The following ANKRD33B variants were observed in gnomAD, a reference collection of about 807,000 sequenced individuals.
ANKRD33B encodes the protein ankyrin repeat domain 33B.
In ANKRD33B, 6 loss-of-function variants were observed where a neutral mutation model predicts 21.5. The ratio of observed to expected loss-of-function variants is 0.28; its 90% CI spans 0.15 to 0.55. ANKRD33B has a LOEUF of 0.55. Ranked by LOEUF, ANKRD33B falls within the 20% of genes least tolerant of loss-of-function variation. ANKRD33B has a pLI of 0.94. For synonymous variants in ANKRD33B, 347 were observed against 342.4 expected, an observed-to-expected ratio of 1.01 and a Z score of -0.15; for missense variants, 698 against 747.2, an observed-to-expected ratio of 0.93 and a Z score of 0.77.
intron 2 of ANKRD33B, among the ~76,000 whole-genome samples, chr5:10,627,740 A>G (rs1200314168): frequency 1.3e-5 from 2 of 152,028 alleles, no homozygotes; most frequent in Admixed American, 1.3e-4. Flanking sequence ...CTTTTTTCTC[A>G]GTTTATACCG....
At position 10,564,450 on chromosome 5, in the gene ANKRD33B, C is replaced by T. The variant is rs1735000076; in HGVS notation, c.-18C>T. ...CCTGCCCGCGCCCCGGCCCCCGGCC[C>T]GCGCCCCGGCCGCCGGCATGGTGCT... On this transcript the variant is annotated 5_prime_UTR_variant, in exon 1 of 4. Coordinates refer to ENST00000296657, the MANE Select transcript of ANKRD33B (RefSeq NM_001164440.2). 1.8e-6 allele frequency: 2 copies of T among 1,119,990 alleles called. No individual in the cohort carries two copies. The highest frequency in any genetic ancestry group is 5.0e-5 in the Admixed American group (1 of 20,096). 69.4% of individuals were successfully genotyped at this position (1,119,990 alleles called of 1,614,324 possible). A position where few individuals can be genotyped will look rare whatever the true frequency, so the allele number is the denominator to read the frequency against.
chr5:10,589,052 C>T (rs1046096311), intron 1 of ANKRD33B, among the ~76,000 whole-genome samples: 5 of 152,118 alleles, frequency 3.3e-5, no homozygotes, highest in Admixed American at 2.6e-4. Context: ...AGACCCCATA[C>T]CCTGAGCTGC....
chr5:10,598,600 T>TA (rs879355796), intron 1 of ANKRD33B, among the ~76,000 whole-genome samples: 2 of 152,132 alleles, frequency 1.3e-5, no homozygotes, highest in Non-Finnish European at 2.9e-5. Flanking sequence ...TGCTTTTAAT[T>TA]AAAAAAATTT....
chr5:10,617,707 G>C (rs901798802), intron 1 of ANKRD33B, among the ~76,000 whole-genome samples: 7 of 152,166 alleles, frequency 4.6e-5, no homozygotes, highest in African/African-American at 1.7e-4. Flanking sequence ...CACGGTCTCT[G>C]AGACCTCCTG....
At chr5:10,620,777 T>C (rs573793857) in intron 2 of ANKRD33B, among the ~76,000 whole-genome samples, 1 of 152,378 alleles carries the variant, frequency 6.6e-6, no homozygotes, top group Non-Finnish European at 1.5e-5. Context: ...CAGTGTGTCC[T>C]GGTGTGGGTG....
At chr5:10,570,436 G>T (rs974622756) in intron 1 of ANKRD33B, among the ~76,000 whole-genome samples, 1 of 152,126 alleles carries the variant, frequency 6.6e-6, no homozygotes, top group Admixed American at 6.5e-5. Context: ...AGGCTGTCTC[G>T]GCCTGTTTTC....
intron 1 of ANKRD33B, among the ~76,000 whole-genome samples, chr5:10,567,727 C>T (rs943570184): frequency 6.6e-6 from 1 of 152,144 alleles, no homozygotes; most frequent in African/African-American, 2.4e-5. Flanking sequence ...TGAGCAGAGA[C>T]GGCATCTAGG....
At chr5:10,582,864 T>C (rs1330916254) in intron 1 of ANKRD33B, among the ~76,000 whole-genome samples, 1 of 152,202 alleles carries the variant, frequency 6.6e-6, no homozygotes, top group African/African-American at 2.4e-5. Context: ...TTGTTTTATA[T>C]TGATTGGTGG....
intron 1 of ANKRD33B, among the ~76,000 whole-genome samples, chr5:10,607,814 G>A (rs1736082016): frequency 6.6e-6 from 1 of 152,166 alleles, no homozygotes; most frequent in African/African-American, 2.4e-5. Flanking sequence ...TTTTCCTGCT[G>A]GACTGTCTGT....
rs1482881644 is a variant in ANKRD33B at position 10,649,989 on chromosome 5, A to C, written c.1361A>C (p.Gln454Pro). 1.3e-6 allele frequency: 2 copies of C among 1,533,602 alleles called. No individual in the cohort carries two copies. Among genetic ancestry groups the C allele is most frequent in the Non-Finnish European group, 1.7e-6 (2 of 1,144,890 alleles). The allele number at this position is 1,533,602 out of a possible 1,614,324, so 95.0% of individuals were successfully genotyped here. ...AGCACCAAGGACAGCGGCCACCTGC[A>C]GATCCCCAAGTGGCGGTACAAGGAG... ...KGSTKDSGHL[Q>P]IPKWRYKEAK... is the part of the protein sequence containing the mutation. The change falls in exon 4 of 4, where the codon CAG becomes CCG. Residue 454 changes from glutamine (Q) to proline (P), a missense_variant. Physicochemically the swap from Gln to Pro is moderately conservative, Grantham distance 76. Transcript: ENST00000296657.
Position 10,650,191 on chromosome 5 carries a change from C to T in ANKRD33B, c.*78C>T, listed in dbSNP as rs1737313049. On this transcript the variant is annotated 3_prime_UTR_variant, in exon 4 of 4. Transcript: ENST00000296657. ...GGGCTGGGCGCGGAGAAGGAGGCGG[C>T]CCCGTTGCGCATCGCACCACTTCCG... 2.9e-6 allele frequency: 4 copies of T among 1,365,092 alleles called. No homozygotes were observed. Among genetic ancestry groups the T allele is most frequent in the Admixed American group, 3.3e-5 (1 of 30,208 alleles). 84.6% of individuals were successfully genotyped at this position (1,365,092 alleles called of 1,614,324 possible).
intron 1 of ANKRD33B, 65 bp downstream of exon 1, chr5:10,564,898 A>G (rs1237897691): frequency 8.4e-6 from 12 of 1,426,560 alleles, no homozygotes; most frequent in Non-Finnish European, 1.1e-5. Context: ...TCCCCACCAC[A>G]TCCCCGCGCC....
intron 1 of ANKRD33B, among the ~76,000 whole-genome samples, chr5:10,594,049 A>T (rs1644181885): frequency 6.6e-6 from 1 of 151,700 alleles, no homozygotes; most frequent in Non-Finnish European, 1.5e-5. Context: ...GCTCACGGGG[A>T]TTTTCTCTCC....
intron 1 of ANKRD33B, among the ~76,000 whole-genome samples, chr5:10,587,331 C>T (rs776105666): frequency 2.3e-4 from 35 of 152,170 alleles, no homozygotes; most frequent in Middle Eastern, 6.8e-3. Context: ...GAACTCCTGA[C>T]CTCAAGTGAT....
intron 1 of ANKRD33B, among the ~76,000 whole-genome samples, chr5:10,603,866 A>T (rs974533799): frequency 3.0e-4 from 45 of 151,922 alleles, no homozygotes; most frequent in African/African-American, 1.0e-3. Flanking sequence ...GTTTTTTTTT[A>T]AACTTTTTAA....
intron 1 of ANKRD33B, among the ~76,000 whole-genome samples, chr5:10,604,982 G>A (rs370966470): frequency 2.0e-5 from 3 of 152,210 alleles, no homozygotes; most frequent in African/African-American, 4.8e-5. Flanking sequence ...AGGGTTTCTC[G>A]TGAGTTGCAG....
At chr5:10,594,366 C>T (rs1205013040) in intron 1 of ANKRD33B, among the ~76,000 whole-genome samples, 5 of 151,768 alleles carry the variant, frequency 3.3e-5, no homozygotes, top group African/African-American at 9.7e-5. Flanking sequence ...TACAGGCATG[C>T]GCCACCACGC....
intron 1 of ANKRD33B, among the ~76,000 whole-genome samples, chr5:10,569,410 A>G (rs1187761790): frequency 1.3e-5 from 2 of 152,098 alleles, no homozygotes; most frequent in Non-Finnish European, 2.9e-5. Flanking sequence ...CAGCCTGGGC[A>G]ACATGGTGAA....
At chr5:10,598,061 C>T (rs1267794054) in intron 1 of ANKRD33B, among the ~76,000 whole-genome samples, 1 of 152,046 alleles carries the variant, frequency 6.6e-6, no homozygotes, top group Non-Finnish European at 1.5e-5. Context: ...TTTTTCCTGC[C>T]TCCTCCCACA....
Sources: gnomAD v4.1 joint callset for allele counts (sites outside exome capture counted in the v4.1 genomes callset) on GRCh38, gnomAD v4.1.1 for gene constraint, MANE v1.5 for transcripts, NCBI Gene and HGNC (gene_info 2026-07-23, HGNC 2026-07-21) for gene names.